Variants in EXOC6B observed in about 807,000 individuals in gnomAD.
EXOC6B encodes SEC15 homolog B.
A neutral mutation model predicts 113.5 loss-of-function variants in EXOC6B; 54 were observed. That is an observed-to-expected ratio of 0.48 (90% CI 0.38 to 0.60). The LOEUF is 0.60. EXOC6B is among the 20% of genes least tolerant of loss of function. EXOC6B has a pLI of 0.00. For missense variants in EXOC6B, 797 were observed against 977.5 expected (o/e 0.82, Z 2.46); for synonymous variants, 357 against 339.0 (o/e 1.05, Z -0.58).
intron 6 of EXOC6B, among the ~76,000 whole-genome samples, chr2:72,584,587 T>C (rs1047877283): frequency 9.9e-5 from 15 of 152,148 alleles, no homozygotes; most frequent in African/African-American, 3.4e-4. Context: ...ACCCCACTGG[T>C]AACAGACAGA....
At chr2:72,228,070 G>A (rs550613613) in intron 20 of EXOC6B, among the ~76,000 whole-genome samples, 2 of 152,286 alleles carry the variant, frequency 1.3e-5, no homozygotes, top group African/African-American at 4.8e-5. Context: ...GTAGATTGGA[G>A]TCAGGAAGTT....
intron 18 of EXOC6B, among the ~76,000 whole-genome samples, chr2:72,404,959 A>G (rs1693621151): frequency 6.6e-6 from 1 of 151,914 alleles, no homozygotes; most frequent in East Asian, 2.0e-4. Context: ...AAAAACCTTG[A>G]AAAAAAATAG....
At chr2:72,497,155 G>C (rs895569520) in intron 13 of EXOC6B, among the ~76,000 whole-genome samples, 1 of 151,464 alleles carries the variant, frequency 6.6e-6, no homozygotes, top group Non-Finnish European at 1.5e-5. Flanking sequence ...TAATTTTTTT[G>C]TAGAGATATA....
At chr2:72,438,635 CAG>C (rs766255797) in intron 18 of EXOC6B, among the ~76,000 whole-genome samples, 1 of 152,062 alleles carries the variant, frequency 6.6e-6, no homozygotes, top group African/African-American at 2.4e-5. Flanking sequence ...AGAAAAAAAA[CAG>C]AGAGAGAGAA....
chr2:72,225,971 G>C (rs935890097), intron 20 of EXOC6B, among the ~76,000 whole-genome samples: 7 of 152,108 alleles, frequency 4.6e-5, no homozygotes, highest in Admixed American at 1.3e-4. Context: ...TCCATTTATA[G>C]TACTACAGCA....
At chr2:72,334,558 A>G (rs939160413) in intron 20 of EXOC6B, among the ~76,000 whole-genome samples, 6 of 152,184 alleles carry the variant, frequency 3.9e-5, no homozygotes, top group Admixed American at 3.9e-4. Flanking sequence ...TGGCCACATT[A>G]TCTACAAACA....
chr2:72,718,087 T>A lies in EXOC6B; in HGVS notation c.669+16A>T, dbSNP rs769329371. ...GATAAAGCCACTGGCCAACCTATCA[T>A]AAACCCAAGACCTACTTGCTTCATG... On this transcript the variant is annotated intron_variant, in intron 6 of 21. Transcript: ENST00000272427. 1.3e-6 allele frequency: 2 copies of A among 1,586,666 alleles called. No homozygotes were observed. Among genetic ancestry groups the A allele is most frequent in the East Asian group, 2.2e-5 (1 of 44,668 alleles).
chr2:72,633,365 G>T (rs1672610702), intron 6 of EXOC6B, among the ~76,000 whole-genome samples: 2 of 152,222 alleles, frequency 1.3e-5, no homozygotes, highest in South Asian at 4.1e-4. Context: ...TGTTGTTGTT[G>T]TTGTTGGAAG....
intron 8 of EXOC6B, among the ~76,000 whole-genome samples, chr2:72,532,819 A>G (rs1326829056): frequency 6.6e-6 from 1 of 151,900 alleles, no homozygotes; most frequent in Non-Finnish European, 1.5e-5. Flanking sequence ...AACAACAACG[A>G]CAAAAAACAA....
In EXOC6B at chr2:72,573,117, AC is replaced by A. The variant is rs1176495000; in HGVS notation, c.846+2374del. Among the ~76,000 whole-genome samples, 5 of 152,320 alleles carry A rather than the reference AC, an allele frequency of 3.3e-5. No individual in the cohort carries two copies. The South Asian group carries it at 6.2e-4, about 19-fold the overall frequency. ...GAGCATGGCACAAAAATTAAAAGGA[AC>A]TTACCCAGGATCTTCAATAGGTCAA... On this transcript the variant is annotated intron_variant, in intron 7 of 21. Coordinates refer to ENST00000272427, the MANE Select transcript of EXOC6B (RefSeq NM_015189.3).
At chr2:72,272,888 C>T (rs1045440960) in intron 20 of EXOC6B, among the ~76,000 whole-genome samples, 3 of 152,100 alleles carry the variant, frequency 2.0e-5, no homozygotes, top group Non-Finnish European at 2.9e-5. Context: ...ATAATTCCCT[C>T]CTATTAAGTT....
At chr2:72,525,478 C>A (rs1308738425) in intron 8 of EXOC6B, among the ~76,000 whole-genome samples, 1 of 152,108 alleles carries the variant, frequency 6.6e-6, no homozygotes, top group Non-Finnish European at 1.5e-5. Flanking sequence ...TTACAACTTA[C>A]CTACCTGGCT....
intron 20 of EXOC6B, among the ~76,000 whole-genome samples, chr2:72,326,355 T>C (rs1001508015): frequency 1.3e-5 from 2 of 152,264 alleles, no homozygotes; most frequent in East Asian, 3.9e-4. Flanking sequence ...TCTGAGTTCC[T>C]CAGGCTTGGT....
At chr2:72,550,421 C>T (rs1467392561) in intron 8 of EXOC6B, among the ~76,000 whole-genome samples, 1 of 152,006 alleles carries the variant, frequency 6.6e-6, no homozygotes, top group Non-Finnish European at 1.5e-5. Context: ...CCCTATAGAC[C>T]TAGAAAATCA....
rs201743586 is a variant in EXOC6B at position 72,631,406 on chromosome 2, ATGTG to A, written c.670-55742_670-55739del. Among the ~76,000 whole-genome samples, 72 of 102,272 alleles carry A rather than the reference ATGTG, an allele frequency of 7.0e-4. No homozygotes were observed. In the Middle Eastern group the frequency reaches 0.015, roughly 21 times the overall value. 67.1% of individuals were successfully genotyped at this position (102,272 alleles called of 152,430 possible). Reference sequence around the variant, plus strand: ...TGGAGTGATATAGTAGTGTGTGTATATGTGTGTGTGTGTGTGTGTGTATATATAT... The same window carrying A: ...TGGAGTGATATAGTAGTGTGTGTATATGTGTGTGTGTGTGTGTATATATAT... On this transcript the variant is annotated intron_variant, in intron 6 of 21. Transcript: ENST00000272427.
At chr2:72,508,348 C>A (rs1469697937) in intron 11 of EXOC6B, among the ~76,000 whole-genome samples, 1 of 152,064 alleles carries the variant, frequency 6.6e-6, no homozygotes, top group Non-Finnish European at 1.5e-5. Flanking sequence ...AATTATATCT[C>A]AATTTTTAGG....
intron 20 of EXOC6B, among the ~76,000 whole-genome samples, chr2:72,274,114 A>C (rs1239113524): frequency 2.0e-5 from 3 of 152,142 alleles, no homozygotes; most frequent in African/African-American, 7.2e-5. Context: ...GAACAAATAA[A>C]CTATGATGCT....
chr2:72,688,431 C>A (rs1475919130), intron 6 of EXOC6B, among the ~76,000 whole-genome samples: 2 of 152,088 alleles, frequency 1.3e-5, no homozygotes, highest in Admixed American at 6.5e-5. Flanking sequence ...GCATAGAATA[C>A]CTGCCTCAGA....
rs1381470732 is a variant in EXOC6B at position 72,480,726 on chromosome 2, T to C, written c.1690A>G (p.Thr564Ala). Residue 564 changes from threonine (T) to alanine (A), a missense_variant, in exon 17 of 22, where the codon ACA (threonine) becomes GCA (alanine). Coordinates refer to ENST00000272427, the MANE Select transcript of EXOC6B (RefSeq NM_015189.3). ...TACTTACAGGATTTCTCCAAATGTG[T>C]TGTATTGATAATAATCTGAACAAGC... ...TELVQIIINT[T>A]HLEKSCKYLE... 1.2e-6 allele frequency: 2 copies of C among 1,600,296 alleles called. No individual in the cohort carries two copies. The highest frequency in any genetic ancestry group is 1.7e-6 in the Non-Finnish European group (2 of 1,172,634).
Sources: allele counts gnomAD v4.1 joint callset (sites outside exome capture counted in the v4.1 genomes callset), GRCh38; gene constraint gnomAD v4.1.1; transcripts MANE v1.5; gene names NCBI Gene and HGNC (gene_info 2026-07-23, HGNC 2026-07-21).